Variants in EMB observed in about 807,000 individuals in gnomAD.
EMB encodes embigin homolog.
In EMB, 31 loss-of-function variants were observed where a neutral mutation model predicts 41.4. That is an observed-to-expected ratio of 0.75 (90% CI 0.56 to 1.01). EMB has a LOEUF of 1.01. Ranked by LOEUF, EMB falls within the 50% of genes least tolerant of loss-of-function variation. EMB has a pLI of 0.00. For synonymous variants in EMB, 137 were observed against 140.4 expected (o/e 0.98, Z 0.17); for missense variants, 379 against 388.3 (o/e 0.98, Z 0.20).
At chr5:50,411,631 T>A in intron 2 of EMB, 3 of 307,410 alleles carry the variant, frequency 9.8e-6, no homozygotes. Context: ...AGTTATCTCC[T>A]TAAGCTCTAT....
intron 6 of EMB, 125 bp downstream of exon 6, chr5:50,403,053 T>C (rs937729074): frequency 2.1e-5 from 18 of 874,136 alleles, no homozygotes; most frequent in Non-Finnish European, 3.0e-5. Context: ...AATGAAGATT[T>C]TCCCCAAAAA....
chr5:50,441,382 T>A (rs1745911263), upstream of EMB: 1 of 342,446 alleles, frequency 2.9e-6, no homozygotes, highest in Non-Finnish European at 5.2e-6. Flanking sequence ...CTCAGCCGGC[T>A]GCTGGCGTTC....
chr5:50,412,259 C>CACACAG (rs1745353148), intron 2 of EMB, among the ~76,000 whole-genome samples: 1 of 45,858 alleles, frequency 2.2e-5, no homozygotes, highest in Admixed American at 1.9e-4. Context: ...CACACACAGA[C>CACACAG]ACACACACAC....
chr5:50,399,450 G>T (rs1041546378), intron 8 of EMB, among the ~76,000 whole-genome samples, 160 bp from the exon 9 acceptor site: 1 of 151,850 alleles, frequency 6.6e-6, no homozygotes, highest in Non-Finnish European at 1.5e-5. Flanking sequence ...TAAAAATTTT[G>T]AATCTAATCA....
At chr5:50,437,048 A>T (rs1434806209) in intron 1 of EMB, among the ~76,000 whole-genome samples, 1 of 152,190 alleles carries the variant, frequency 6.6e-6, no homozygotes, top group Non-Finnish European at 1.5e-5. Flanking sequence ...AGGCAGGAAG[A>T]TCGCTTGAGC....
intron 1 of EMB, among the ~76,000 whole-genome samples, chr5:50,431,774 A>T (rs1745724328): frequency 6.6e-6 from 1 of 152,194 alleles, no homozygotes; most frequent in South Asian, 2.1e-4. Flanking sequence ...AAATATCAAC[A>T]TGAAAGAGTA....
intron 1 of EMB, among the ~76,000 whole-genome samples, chr5:50,432,218 A>C (rs910680893): frequency 1.4e-4 from 21 of 152,186 alleles, no homozygotes; most frequent in Non-Finnish European, 3.1e-4. Flanking sequence ...TAAAGCCCCC[A>C]AAATCCCTTT....
At chr5:50,425,552 T>C (rs1014584528) in intron 2 of EMB, among the ~76,000 whole-genome samples, 1 of 152,076 alleles carries the variant, frequency 6.6e-6, no homozygotes, top group Admixed American at 6.5e-5. Context: ...GAATTCCAAA[T>C]ACTATGGACA....
chr5:50,404,569 C>A (rs533422201), intron 5 of EMB, among the ~76,000 whole-genome samples: 1 of 151,954 alleles, frequency 6.6e-6, no homozygotes, highest in East Asian at 1.9e-4. Flanking sequence ...ACGTCTAAAA[C>A]GACATTTTCA....
chr5:50,407,290 T>C (rs753280697), intron 4 of EMB, among the ~76,000 whole-genome samples: 1 of 151,982 alleles, frequency 6.6e-6, no homozygotes, highest in Non-Finnish European at 1.5e-5. Flanking sequence ...TGGCAGAATA[T>C]ACACTGCTTT....
At chr5:50,429,750 T>C (rs1285750015) in intron 1 of EMB, among the ~76,000 whole-genome samples, 3 of 152,192 alleles carry the variant, frequency 2.0e-5, no homozygotes, top group Admixed American at 6.5e-5. Flanking sequence ...ACAATGATTA[T>C]ATAGGAAAAT....
chr5:50,433,990 T>G (rs894029947), intron 1 of EMB, among the ~76,000 whole-genome samples: 2 of 152,228 alleles, frequency 1.3e-5, no homozygotes, highest in African/African-American at 4.8e-5. Flanking sequence ...TCTCTGTCTC[T>G]GTTCAAATCT....
chr5:50,439,810 T>C (rs1172151506), intron 1 of EMB, among the ~76,000 whole-genome samples: 1 of 152,126 alleles, frequency 6.6e-6, no homozygotes, highest in East Asian at 1.9e-4. Flanking sequence ...CCCATGAAAA[T>C]AAATTCCCAT....
At chr5:50,400,727 G>C (rs1402185880) in intron 7 of EMB, among the ~76,000 whole-genome samples, 2 of 151,992 alleles carry the variant, frequency 1.3e-5, no homozygotes, top group Non-Finnish European at 2.9e-5. Context: ...AACACCTTCA[G>C]TGATCCTTAT....
intron 1 of EMB, among the ~76,000 whole-genome samples, chr5:50,429,619 T>C (rs1303622373): frequency 6.6e-6 from 1 of 152,176 alleles, no homozygotes; most frequent in Non-Finnish European, 1.5e-5. Context: ...TAAACCACCA[T>C]GGCACATGTA....
chr5:50,411,301 A>C lies in EMB; in HGVS notation c.279T>G (p.Ser93=). ...NVNLTCQFTT[S]GDLNAVNVTW... ...TCACATTTACTGCATTCAAATCCCC[A>C]GATGTTGTGAACTGGCATGTGAGAT... The change falls in exon 3 of 9, where the codon TCT becomes TCG. Residue 93 remains serine (S), a synonymous_variant. Transcript: ENST00000303221. 1 of 1,613,122 alleles carries C rather than the reference A, an allele frequency of 6.2e-7. No individual in the cohort carries two copies. Among genetic ancestry groups the C allele is most frequent in the Non-Finnish European group, 8.5e-7 (1 of 1,179,460 alleles).
chr5:50,429,988 C>T (rs866681855), intron 1 of EMB, among the ~76,000 whole-genome samples: 2 of 148,434 alleles, frequency 1.3e-5, no homozygotes, highest in African/African-American at 4.9e-5. Flanking sequence ...CTCTCTCTCT[C>T]TCTCTCTCTC....
At chr5:50,407,639 T>C (rs1441479006) in intron 4 of EMB, among the ~76,000 whole-genome samples, 1 of 152,094 alleles carries the variant, frequency 6.6e-6, no homozygotes, top group Non-Finnish European at 1.5e-5. Context: ...ATGCACTATG[T>C]TCAGGGAACA....
chr5:50,418,471 G>A (rs1299364082), intron 2 of EMB, among the ~76,000 whole-genome samples: 1 of 152,162 alleles, frequency 6.6e-6, no homozygotes, highest in Non-Finnish European at 1.5e-5. Context: ...TTCTACTCAT[G>A]GCTGTAAAGT....
Sources: allele counts gnomAD v4.1 joint callset (sites outside exome capture counted in the v4.1 genomes callset), GRCh38; gene constraint gnomAD v4.1.1; transcripts MANE v1.5; gene names NCBI Gene and HGNC (gene_info 2026-07-23, HGNC 2026-07-21).